Variants in AMMECR1 observed in about 807,000 individuals in gnomAD.
AMMECR1 encodes the protein AMMECR nuclear protein 1.
A neutral mutation model predicts 22.5 loss-of-function variants in AMMECR1; 3 were observed. The observed-to-expected ratio is 0.13, with a 90% CI of 0.06 to 0.35. The LOEUF (loss-of-function observed/expected upper bound fraction) is 0.35, where lower values mean the gene tolerates loss of function less well. AMMECR1 is among the 10% of genes least tolerant of loss of function. The pLI is 1.00. For missense variants in AMMECR1, 235 were observed against 278.7 expected (o/e 0.84, Z 1.12); for synonymous variants, 130 against 116.7 (o/e 1.11, Z -0.74).
chrX:110,209,729 T>C (rs1327443903), intron 3 of AMMECR1, among the ~76,000 whole-genome samples: 1 of 110,738 alleles, frequency 9.0e-6, no homozygotes, highest in Non-Finnish European at 1.9e-5. Flanking sequence ...CAAAGAGATC[T>C]TAGGTATCAC....
chrX:110,417,242 G>A (rs2068683867), intron 2 of AMMECR1, among the ~76,000 whole-genome samples: 1 of 112,096 alleles, frequency 8.9e-6, no homozygotes, highest in Admixed American at 9.4e-5. Flanking sequence ...CAGCTTGGAG[G>A]GAGGGGGAGT....
chrX:110,345,230 C>T (rs1267971582), intron 2 of AMMECR1, among the ~76,000 whole-genome samples: 1 of 110,357 alleles, frequency 9.1e-6, no homozygotes, highest in Non-Finnish European at 1.9e-5. Flanking sequence ...TCATTCTCAG[C>T]AAACTATCAC....
chrX:110,321,351 A>C (rs139526277), upstream of AMMECR1, among the ~76,000 whole-genome samples: 4,653 of 109,036 alleles, frequency 0.043, 264 homozygotes, highest in African/African-American at 0.15. Context: ...TGAAGATTCC[A>C]CTTAAAAAAA....
At chrX:110,377,304 G>A (rs1029908952) in intron 2 of AMMECR1, among the ~76,000 whole-genome samples, 2 of 111,265 alleles carry the variant, frequency 1.8e-5, no homozygotes, top group African/African-American at 6.5e-5. Flanking sequence ...CTATTTGTCC[G>A]CAAACCCCAC....
intron 2 of AMMECR1, among the ~76,000 whole-genome samples, chrX:110,371,819 C>T (rs987581611): frequency 1.3e-4 from 14 of 111,409 alleles, no homozygotes; most frequent in Non-Finnish European, 2.3e-4. Flanking sequence ...CTCCCCTTGG[C>T]TTTTCAGGTC....
intron 2 of AMMECR1, among the ~76,000 whole-genome samples, chrX:110,404,164 G>T (rs940675770): frequency 1.8e-5 from 2 of 112,600 alleles, no homozygotes; most frequent in Non-Finnish European, 3.8e-5. Context: ...AGGAAGAACA[G>T]TTGGTCAGGC....
intron 2 of AMMECR1, among the ~76,000 whole-genome samples, 171 bp from the exon 3 acceptor site, chrX:110,216,803 C>CT (rs989763261): frequency 9.0e-6 from 1 of 111,416 alleles, no homozygotes; most frequent in Non-Finnish European, 1.9e-5. Context: ...TAGAAGTCAC[C>CT]TTTTTTTTCA....
intron 2 of AMMECR1, among the ~76,000 whole-genome samples, chrX:110,333,984 A>G (rs970436125): frequency 9.0e-6 from 1 of 111,638 alleles, no homozygotes; most frequent in East Asian, 2.8e-4. Context: ...ATAAAATAAA[A>G]TAAAATCAGA....
chrX:110,382,010 A>G (rs2068423402), intron 2 of AMMECR1, among the ~76,000 whole-genome samples: 1 of 111,388 alleles, frequency 9.0e-6, no homozygotes, highest in Admixed American at 9.6e-5. Context: ...CTAAAATAAA[A>G]ATTAAAAAAA....
intron 2 of AMMECR1, among the ~76,000 whole-genome samples, chrX:110,360,170 A>C (rs1339532359): frequency 9.0e-6 from 1 of 111,199 alleles, no homozygotes; most frequent in South Asian, 3.9e-4. Context: ...GAAGGTCTGC[A>C]CTAGGTATTG....
intron 2 of AMMECR1, among the ~76,000 whole-genome samples, chrX:110,239,854 C>CT (rs772821557): frequency 4.7e-4 from 53 of 112,091 alleles, no homozygotes; most frequent in African/African-American, 1.6e-3. Context: ...CAGTGGATCT[C>CT]TCGGCAGAAA....
intron 1 of AMMECR1, among the ~76,000 whole-genome samples, chrX:110,307,753 ACAAATGGTTTT>A (rs1471040079): frequency 9.0e-6 from 1 of 110,858 alleles, no homozygotes; most frequent in Non-Finnish European, 1.9e-5. Flanking sequence ...AAGACACTGT[ACAAATGGTTTT>A]CAATATGGTC....
At chrX:110,251,832 T>A (rs751708017) in intron 2 of AMMECR1, among the ~76,000 whole-genome samples, 1 of 111,861 alleles carries the variant, frequency 8.9e-6, no homozygotes, top group South Asian at 3.7e-4. Context: ...GATTATGGGG[T>A]CACTGGTTTA....
chrX:110,434,821 T>C (rs1284899048), intron 1 of AMMECR1, among the ~76,000 whole-genome samples: 1 of 109,840 alleles, frequency 9.1e-6, no homozygotes, highest in African/African-American at 3.3e-5. Context: ...CTGGATGGGG[T>C]TTCTCCTCTC....
intron 2 of AMMECR1, among the ~76,000 whole-genome samples, chrX:110,330,924 A>G (rs1298335668): frequency 9.0e-5 from 10 of 111,283 alleles, no homozygotes; most frequent in Non-Finnish European, 1.9e-4. Flanking sequence ...TAGCCCTCAA[A>G]CCACAGCAAT....
chrX:110,260,474 G>A (rs1409861358), intron 2 of AMMECR1, among the ~76,000 whole-genome samples: 4 of 108,938 alleles, frequency 3.7e-5, no homozygotes, highest in South Asian at 3.9e-4. Flanking sequence ...AAAAATACCC[G>A]GTCATATTTG....
intron 1 of AMMECR1, among the ~76,000 whole-genome samples, chrX:110,314,910 C>T (rs375031722): frequency 4.5e-5 from 5 of 111,457 alleles, no homozygotes; most frequent in South Asian, 3.8e-4. Flanking sequence ...ACCCATAAAA[C>T]GAGGATTTCA....
chrX:110,238,131 A>G (rs1162574936), intron 2 of AMMECR1, among the ~76,000 whole-genome samples: 1 of 111,989 alleles, frequency 8.9e-6, no homozygotes. Context: ...GTAACACTCC[A>G]TTAGCCCATT....
At chrX:110,369,164 C>T (rs890012919) in intron 2 of AMMECR1, among the ~76,000 whole-genome samples, 1 of 110,933 alleles carries the variant, frequency 9.0e-6, no homozygotes, top group East Asian at 2.8e-4. Flanking sequence ...AACCCCGTCT[C>T]TACTAAAAAT....
Sources: allele counts gnomAD v4.1 joint callset (sites outside exome capture counted in the v4.1 genomes callset), GRCh38; gene constraint gnomAD v4.1.1; transcripts MANE v1.5; gene names NCBI Gene and HGNC (gene_info 2026-07-23, HGNC 2026-07-21).